The following ZNF683 variants were observed in gnomAD, a reference collection of about 807,000 sequenced individuals.
The protein encoded by ZNF683 is tissue-resident T-cell transcription regulator protein ZNF683.
A neutral mutation model predicts 31.4 loss-of-function variants in ZNF683; 20 were observed. That is an observed-to-expected ratio of 0.64 (90% confidence interval 0.45 to 0.93). ZNF683 has a LOEUF of 0.93. ZNF683 is among the 40% of genes least tolerant of loss of function. The pLI, the probability that ZNF683 is intolerant of heterozygous loss-of-function variation, is 0.00. For synonymous variants in ZNF683, 264 were observed against 267.6 expected (o/e 0.99, Z 0.13); for missense variants, 621 against 637.2 (o/e 0.97, Z 0.27).
At position 26,364,768 on chromosome 1, in the gene ZNF683, A is replaced by G. The variant is rs2074474175; in HGVS notation, c.778T>C (p.Phe260Leu). The G allele has an allele frequency of 6.2e-7, 1 of 1,612,370 alleles. No homozygotes were observed. Among genetic ancestry groups the G allele is most frequent in the African/African-American group, 1.3e-5 (1 of 74,942 alleles). Residue 260 changes from phenylalanine (F) to leucine (L), a missense_variant, in exon 4 of 6, where the codon TTC (phenylalanine) becomes CTC (leucine). Phe to Leu is a conservative substitution (Grantham distance 22). Transcript: ENST00000349618. Reference protein sequence around the residue: ...WETLLPYPGAFQASGQALPSQ... With the variant: ...WETLLPYPGALQASGQALPSQ... ...GGCAGAGCTTGGCCAGAGGCTTGGA[A>G]GGCCCCTGGGTAGGGAAGCAGGGTC...
chr1:26,371,483 C>G (rs1014369055), intron 1 of ZNF683, among the ~76,000 whole-genome samples: 2 of 151,964 alleles, frequency 1.3e-5, no homozygotes, highest in African/African-American at 4.8e-5. Flanking sequence ...ACCTCTGGTC[C>G]CAGCTACTCA....
chr1:26,362,898 C>A (rs1263309957), intron 5 of ZNF683, 128 bp downstream of exon 5: 3 of 1,291,838 alleles, frequency 2.3e-6, no homozygotes, highest in African/African-American at 3.0e-5. Context: ...TTTCAATTTT[C>A]ACTCCCCCTT....
intron 3 of ZNF683, among the ~76,000 whole-genome samples, chr1:26,366,710 C>T (rs1442636547): frequency 6.6e-6 from 1 of 152,132 alleles, no homozygotes; most frequent in Non-Finnish European, 1.5e-5. Flanking sequence ...AGGCTGAGTG[C>T]AGTGGTGCCA....
intron 4 of ZNF683, 102 bp downstream of exon 4, chr1:26,364,430 G>A: frequency 7.3e-7 from 1 of 1,360,834 alleles, no homozygotes; most frequent in South Asian, 1.3e-5. Context: ...TTGCCCAGGA[G>A]TGCCTTCTAG....
upstream of ZNF683, chr1:26,374,134 A>T: frequency 1.2e-5 from 9 of 780,290 alleles, no homozygotes; most frequent in Non-Finnish European, 1.4e-5. Context: ...GGCTTAGTTC[A>T]CCAAAACTCT....
At chr1:26,372,529 G>A (rs546798657) in intron 1 of ZNF683, 140 bp downstream of exon 1, 18 of 1,304,688 alleles carry the variant, frequency 1.4e-5, no homozygotes, top group African/African-American at 7.6e-5. Flanking sequence ...GGGGTGACCC[G>A]CACACCTTTG....
intron 3 of ZNF683, among the ~76,000 whole-genome samples, chr1:26,366,342 C>CAAAAAAAAAAAAAAAAAAAAAAAAA (rs1173737722): frequency 2.9e-5 from 2 of 69,002 alleles, no homozygotes; most frequent in African/African-American, 9.4e-5. Flanking sequence ...CAGCCTATCT[C>CAAAAAAAAAAAAAAAAAAAAAAAAA]AAAAAAAAAA....
chr1:26,369,378 T>C (rs989264764), intron 1 of ZNF683, among the ~76,000 whole-genome samples: 3 of 150,144 alleles, frequency 2.0e-5, no homozygotes, highest in African/African-American at 7.4e-5. Context: ...ATCCAAAAAT[T>C]AAAATTAGAC....
rs1045278547 is a variant in ZNF683, at chr1:26,363,742, A to G, written c.1015-588T>C. 2.0e-3 allele frequency among the ~76,000 whole-genome samples: 262 copies of G among 129,146 alleles called. 1 individual carries two copies. Among genetic ancestry groups the G allele is most frequent in the Non-Finnish European group, 2.8e-3 (154 of 55,684 alleles). 84.7% of individuals were successfully genotyped at this position (129,146 alleles called of 152,430 possible). A position where few individuals can be genotyped will look rare whatever the true frequency, so the allele number is the denominator to read the frequency against. On this transcript the variant is annotated intron_variant, in intron 4 of 5. Transcript: ENST00000349618. ...ACAGAATGAGACTCCATATGGAAAAAAAAAAAAAAAAAAAAGATAACTCTG... is the reference window on the plus strand; with the variant it reads ...ACAGAATGAGACTCCATATGGAAAAGAAAAAAAAAAAAAAAGATAACTCTG...
At chr1:26,370,489 G>A (rs2074643700) in intron 1 of ZNF683, 3 of 246,602 alleles carry the variant, frequency 1.2e-5, no homozygotes, top group Non-Finnish European at 1.9e-5. Flanking sequence ...CCCCTTCCCC[G>A]TCACCTCAGG....
chr1:26,368,185 T>A (rs1340156278), intron 2 of ZNF683, among the ~76,000 whole-genome samples: 1 of 152,252 alleles, frequency 6.6e-6, no homozygotes, highest in African/African-American at 2.4e-5. Flanking sequence ...CCTGAGCCCC[T>A]GCTCACTAAG....
intron 1 of ZNF683, chr1:26,370,490 T>C: frequency 4.0e-6 from 1 of 249,098 alleles, no homozygotes; most frequent in Non-Finnish European, 6.4e-6. Context: ...CCCTTCCCCG[T>C]CACCTCAGGG....
rs2074424388 is a variant in ZNF683 at position 26,363,064 on chromosome 1, G to A, written c.1105C>T (p.His369Tyr). ...FTQLAHLQKH[H>Y]LVHTGERPHK... ...GGCCGCTCCCCAGTGTGCACCAGGT[G>A]GTGCTTCTGCAGGTGGGCAAGTTGA... The change falls in exon 5 of 6, where the codon CAC becomes TAC. Residue 369 changes from histidine to tyrosine, a missense_variant. Transcript: ENST00000349618. 6.2e-7 allele frequency: 1 copy of A among 1,612,358 alleles called. No homozygotes were observed. The highest frequency in any genetic ancestry group is 8.5e-7 in the Non-Finnish European group (1 of 1,179,238).
rs2074688721 is a variant in ZNF683, at chr1:26,372,353, T to G, written c.-15+316A>C. 9.4e-6 allele frequency: 6 copies of G among 636,358 alleles called. No individual in the cohort carries two copies. The Admixed American group carries it at 1.0e-4, about 11-fold the overall frequency. 39.4% of individuals were successfully genotyped at this position (636,358 alleles called of 1,614,324 possible). ...CATGTAGACATCTGTCAGGTTTTTT[T>G]GGACGCCCAGCCTCTGAAACTTTTC... On this transcript the variant is annotated intron_variant, in intron 1 of 5. Transcript: ENST00000349618.
chr1:26,365,292 C>A lies in ZNF683; in HGVS notation c.320-66G>T, dbSNP rs2074496116. The A allele has an allele frequency of 1.3e-5, 19 of 1,477,558 alleles. 1 individual carries two copies. In the South Asian group the frequency reaches 2.5e-4, roughly 19 times the overall value. The allele number at this position is 1,477,558 out of a possible 1,614,324, so 91.5% of individuals were successfully genotyped here. A position where few individuals can be genotyped will look rare whatever the true frequency, so the allele number is the denominator to read the frequency against. On this transcript the variant is annotated intron_variant, in intron 3 of 5. Coordinates refer to ENST00000349618, the MANE Select transcript of ZNF683 (RefSeq NM_001114759.3). ...GGGTGAAGTTCTGTCCGCCATCAAA[C>A]CTGCCCTGCTCGGGGCTGAGAAAGA...
Position 26,368,599 on chromosome 1 carries a change from G to T in ZNF683, c.-14-14C>A. 6.3e-7 allele frequency: 1 copy of T among 1,580,050 alleles called. No homozygotes were observed. Among genetic ancestry groups the T allele is most frequent in the South Asian group, 1.2e-5 (1 of 84,914 alleles). ...CCCCATTACCTGCTGGGAAACAGGT[G>T]AGTTAGAGGTAAGCTGTGAAGGTCC... On this transcript the variant is annotated splice_polypyrimidine_tract_variant and intron_variant, in intron 1 of 5. Transcript: ENST00000349618.
At chr1:26,372,444 T>C in intron 1 of ZNF683, 1 of 1,294,810 alleles carries the variant, frequency 7.7e-7, no homozygotes, top group Non-Finnish European at 1.0e-6. Flanking sequence ...GGCCAAATAC[T>C]TAATTCCAAC....
At chr1:26,373,946 C>T (rs568975654), upstream of ZNF683, among the ~76,000 whole-genome samples, 1 of 152,288 alleles carries the variant, frequency 6.6e-6, no homozygotes, top group East Asian at 1.9e-4. Context: ...CAACAAGTAG[C>T]CAAGAGCTCT....
chr1:26,371,643 A>C (rs1028738542), intron 1 of ZNF683, among the ~76,000 whole-genome samples: 1 of 149,690 alleles, frequency 6.7e-6, no homozygotes, highest in African/African-American at 2.5e-5. Context: ...GGTGTAAGGC[A>C]TGACTAGGCC....
Sources: allele counts gnomAD v4.1 joint callset (sites outside exome capture counted in the v4.1 genomes callset), GRCh38; gene constraint gnomAD v4.1.1; transcripts MANE v1.5; gene names NCBI Gene and HGNC (gene_info 2026-07-23, HGNC 2026-07-21).